The following RNMT variants were observed in gnomAD, a reference collection of about 807,000 sequenced individuals.
RNMT encodes RNA guanine-7 methyltransferase.
Under a neutral mutation model 56.0 loss-of-function variants are expected in RNMT, and 27 were observed. That is an observed-to-expected ratio of 0.48 (90% CI 0.36 to 0.67). The LOEUF (loss-of-function observed/expected upper bound fraction) is 0.67. Among genes scored for constraint, RNMT ranks in the 30% least tolerant of loss-of-function variants. The probability of loss-of-function intolerance (pLI) is 0.00; values close to 1 mark genes in which losing one functional copy is unlikely to be tolerated. For missense variants in RNMT, 519 were observed against 552.1 expected (o/e 0.94, Z 0.60); for synonymous variants, 184 against 176.2 (o/e 1.04, Z -0.35).
chr18:13,749,853 C>T (rs1198358653), intron 9 of RNMT, among the ~76,000 whole-genome samples: 4 of 148,666 alleles, frequency 2.7e-5, no homozygotes, highest in East Asian at 4.1e-4. Flanking sequence ...CACCTAAACC[C>T]GGCCTAAGTG....
At chr18:13,743,168 C>CA (rs1485704523) in intron 8 of RNMT, 1 of 151,194 alleles carries the variant, frequency 6.6e-6, no homozygotes, top group Non-Finnish European at 1.5e-5. Flanking sequence ...ACTAAAAATA[C>CA]AAAAATTAGC....
rs149097059 is a variant in RNMT at position 13,743,329 on chromosome 18, A to AAAAT, written c.1139+718_1139+721dup. ...CAGAGCGAAACTCCGTCTCAAAAAAAAAATAAATAAATAAATAAATAAATA... is the reference window on the plus strand; with the variant it reads ...CAGAGCGAAACTCCGTCTCAAAAAAAAAATAAATAAATAAATAAATAAATAAATA... On this transcript the variant is annotated intron_variant, in intron 8 of 11. Coordinates refer to ENST00000383314, the MANE Select transcript of RNMT (RefSeq NM_003799.3). Among the ~76,000 whole-genome samples, 294 of 31,830 alleles carry AAAAT rather than the reference A, an allele frequency of 9.2e-3. 6 individuals are homozygous for AAAAT. In the South Asian group the frequency reaches 0.099, roughly 11 times the overall value. 20.9% of individuals were successfully genotyped at this position (31,830 alleles called of 152,430 possible). A position where few individuals can be genotyped will look rare whatever the true frequency, so the allele number is the denominator to read the frequency against.
At chr18:13,728,382 C>T (rs541765756) in intron 1 of RNMT, among the ~76,000 whole-genome samples, 21 of 133,712 alleles carry the variant, frequency 1.6e-4, no homozygotes, top group African/African-American at 5.9e-4. Context: ...GTCGCCCAGG[C>T]CGGAGTGCAG....
Position 13,762,241 on chromosome 18 carries a change from A to G in RNMT, c.*2262A>G. 1 of 1,380,884 alleles carries G rather than the reference A, an allele frequency of 7.2e-7. No individual in the cohort carries two copies. Among genetic ancestry groups the G allele is most frequent in the Non-Finnish European group, 9.6e-7 (1 of 1,038,654 alleles). 85.5% of individuals were successfully genotyped at this position (1,380,884 alleles called of 1,614,324 possible). ...GGATTGCGATGATTGATCTGGGAAC[A>G]TGGCTGGATTGTGATTTAACCAAGA... is the stretch of plus-strand genomic sequence containing the variant. On this transcript the variant is annotated 3_prime_UTR_variant, in exon 12 of 12. Transcript: ENST00000383314.
intron 9 of RNMT, among the ~76,000 whole-genome samples, chr18:13,746,711 C>T (rs920710593): frequency 6.6e-6 from 1 of 152,188 alleles, no homozygotes; most frequent in Non-Finnish European, 1.5e-5. Context: ...TCCCCAGTTA[C>T]GATAACCAGA....
At chr18:13,736,954 T>TAAA in intron 4 of RNMT, 56 bp from the exon 5 acceptor site, 1 of 1,517,210 alleles carries the variant, frequency 6.6e-7, no homozygotes, top group Non-Finnish European at 9.1e-7. Flanking sequence ...TAACAGTTTA[T>TAAA]ACTTCAGTAA....
chr18:13,730,993 T>G (rs1389393702), intron 2 of RNMT, among the ~76,000 whole-genome samples: 1 of 152,228 alleles, frequency 6.6e-6, no homozygotes, highest in Non-Finnish European at 1.5e-5. Flanking sequence ...TATAGAATTT[T>G]GGGGGGATTA....
intron 5 of RNMT, among the ~76,000 whole-genome samples, chr18:13,738,354 A>G (rs1426147370): frequency 1.3e-5 from 2 of 152,232 alleles, no homozygotes; most frequent in Admixed American, 6.5e-5. Context: ...AAATTGCAGG[A>G]GACAACTGGA....
intron 8 of RNMT, among the ~76,000 whole-genome samples, chr18:13,744,737 C>T (rs2044324954): frequency 1.3e-5 from 2 of 152,166 alleles, no homozygotes; most frequent in African/African-American, 4.8e-5. Flanking sequence ...TGCCCTTACC[C>T]TATCCCCTCA....
chr18:13,734,231 C>T (rs543969738), intron 3 of RNMT, among the ~76,000 whole-genome samples: 1 of 152,322 alleles, frequency 6.6e-6, no homozygotes, highest in Admixed American at 6.5e-5. Context: ...TTATAAATTA[C>T]CCAGTCTCCG....
At position 13,761,851 on chromosome 18, in the gene RNMT, C is replaced by CCCCCCCCCCCCCAA; in HGVS notation, c.*1877_*1878insCCCCCCCAACCCCC. 2.7e-6 allele frequency: 3 copies of CCCCCCCCCCCCCAA among 1,097,446 alleles called. No homozygotes were observed. The highest frequency in any genetic ancestry group is 3.3e-6 in the Non-Finnish European group (3 of 898,864). 68.0% of individuals were successfully genotyped at this position (1,097,446 alleles called of 1,614,324 possible). On this transcript the variant is annotated 3_prime_UTR_variant, in exon 12 of 12. Coordinates refer to ENST00000383314, the MANE Select transcript of RNMT (RefSeq NM_003799.3). ...TTCCTCCACCACCCTACACCCCCCT[C>CCCCCCCCCCCCCAA]CCCCCGGCCCCAAGCCCCTGTGTCT... is the stretch of plus-strand genomic sequence containing the variant.
intron 10 of RNMT, among the ~76,000 whole-genome samples, chr18:13,753,303 A>G (rs1175449474): frequency 6.6e-6 from 1 of 151,372 alleles, no homozygotes; most frequent in Non-Finnish European, 1.5e-5. Context: ...TGCCTCTACT[A>G]AAAATACAAA....
intron 11 of RNMT, among the ~76,000 whole-genome samples, chr18:13,755,739 A>G (rs1274109675): frequency 1.3e-5 from 2 of 152,182 alleles, no homozygotes; most frequent in Admixed American, 6.5e-5. Context: ...GGATTTTATT[A>G]CTTTTTCCCT....
At chr18:13,737,972 C>T (rs1329078356) in intron 5 of RNMT, among the ~76,000 whole-genome samples, 2 of 149,936 alleles carry the variant, frequency 1.3e-5, no homozygotes, top group East Asian at 2.0e-4. Context: ...GCTACGGAAG[C>T]CATTAAGGGA....
intron 6 of RNMT, among the ~76,000 whole-genome samples, chr18:13,740,677 T>A (rs2149091401): frequency 6.6e-6 from 1 of 152,366 alleles, no homozygotes; most frequent in East Asian, 1.9e-4. Context: ...CGGCTACTCA[T>A]TTTTTAAAAT....
At position 13,740,221 on chromosome 18, in the gene RNMT, A is replaced by C. The variant is rs2044230822; in HGVS notation, c.734A>C (p.Asn245Thr). ...CAGCAGCGGTATGAGGACATGAAAAATCGTCGTGATAGTGAATATATTTTC... is the reference window on the plus strand; with the variant it reads ...CAGCAGCGGTATGAGGACATGAAAACTCGTCGTGATAGTGAATATATTTTC... ...QCQQRYEDMKNRRDSEYIFSA... is the reference protein window; with the variant it reads ...QCQQRYEDMKTRRDSEYIFSA... Residue 245 changes from asparagine to threonine, a missense_variant, in exon 6 of 12, where the codon AAT (asparagine) becomes ACT (threonine). Asn to Thr is a moderately conservative substitution (Grantham distance 65, BLOSUM62 0). Transcript: ENST00000383314. The C allele has an allele frequency of 6.2e-7, 1 of 1,613,122 alleles. No individual in the cohort carries two copies. The highest frequency in any genetic ancestry group is 8.5e-7 in the Non-Finnish European group (1 of 1,179,220).
chr18:13,742,315 A>G (rs965319059), intron 7 of RNMT, among the ~76,000 whole-genome samples, 173 bp from the exon 8 acceptor site: 1 of 151,818 alleles, frequency 6.6e-6, no homozygotes, highest in African/African-American at 2.4e-5. Flanking sequence ...AGCCTGAATG[A>G]CAGATTAAGA....
intron 1 of RNMT, among the ~76,000 whole-genome samples, chr18:13,727,829 A>G (rs891007053): frequency 2.0e-5 from 3 of 152,200 alleles, no homozygotes; most frequent in African/African-American, 7.2e-5. Flanking sequence ...TAGCTCCCAC[A>G]TGAGTAACAA....
chr18:13,742,352 AAGGT>A (rs2044265040), intron 7 of RNMT, 132 bp from the exon 8 acceptor site: 3 of 706,054 alleles, frequency 4.2e-6, no homozygotes, highest in South Asian at 1.9e-5. Context: ...AAAAAAAAAA[AAGGT>A]AGCCCAGATA....
Sources: allele counts gnomAD v4.1 joint callset (sites outside exome capture counted in the v4.1 genomes callset), GRCh38; gene constraint gnomAD v4.1.1; transcripts MANE v1.5; gene names NCBI Gene and HGNC (gene_info 2026-07-23, HGNC 2026-07-21).